KLF8: variants seen among roughly 807,000 people sequenced by gnomAD.
KLF8 encodes Krueppel-like factor 8.
A neutral mutation model predicts 18.2 loss-of-function variants in KLF8; 10 were observed. The observed-to-expected ratio is 0.55, with a 90% CI of 0.34 to 0.93. The LOEUF is 0.93. KLF8 is among the 40% of genes least tolerant of loss of function. The pLI is 0.02. For missense variants in KLF8, 264 were observed against 277.9 expected (o/e 0.95, Z 0.36); for synonymous variants, 109 against 97.3 (o/e 1.12, Z -0.71).
At chrX:56,019,639 G>C in the KLF8 span, among the ~76,000 whole-genome samples, 1 of 111,575 alleles carries the variant, frequency 9.0e-6, no homozygotes, top group Non-Finnish European at 1.9e-5. Context: ...TAGTGATGAG[G>C]GTTATGTGGT....
At chrX:56,187,832 G>A in the KLF8 span, among the ~76,000 whole-genome samples, 1 of 111,918 alleles carries the variant, frequency 8.9e-6, no homozygotes, top group Non-Finnish European at 1.9e-5. Context: ...AATGCTTCAT[G>A]CTAAAAACTC....
chrX:56,186,486 G>T, the KLF8 span, among the ~76,000 whole-genome samples: 1 of 111,047 alleles, frequency 9.0e-6, no homozygotes, highest in Non-Finnish European at 1.9e-5. Context: ...AAGTTAACAA[G>T]TATACCCAGG....
chrX:56,047,911 A>C, the KLF8 span, among the ~76,000 whole-genome samples: 9 of 111,701 alleles, frequency 8.1e-5, no homozygotes, highest in African/African-American at 2.9e-4. Context: ...GTTTCTCCAC[A>C]TCCTCTCCAG....
At chrX:55,968,196 A>T in the KLF8 span, among the ~76,000 whole-genome samples, 4 of 111,212 alleles carry the variant, frequency 3.6e-5, no homozygotes, top group African/African-American at 1.3e-4. Context: ...GGAATTGAAG[A>T]TCACAAAACA....
chrX:56,047,323 T>G, the KLF8 span, among the ~76,000 whole-genome samples: 2 of 109,771 alleles, frequency 1.8e-5, no homozygotes, highest in South Asian at 7.9e-4. Flanking sequence ...TGTGCAGGTT[T>G]GTTACATATG....
the KLF8 span, among the ~76,000 whole-genome samples, chrX:56,020,294 G>A: frequency 1.8e-5 from 2 of 111,778 alleles, no homozygotes; most frequent in Non-Finnish European, 1.9e-5. Flanking sequence ...TATAAGGCAT[G>A]CTAAAGATTT....
At chrX:55,949,532 G>A in the KLF8 span, among the ~76,000 whole-genome samples, 3 of 111,042 alleles carry the variant, frequency 2.7e-5, no homozygotes, top group Non-Finnish European at 5.7e-5. Flanking sequence ...GGTGGCTCAC[G>A]CCTGTAATCC....
At chrX:55,999,457 C>G in the KLF8 span, among the ~76,000 whole-genome samples, 1 of 108,064 alleles carries the variant, frequency 9.3e-6, no homozygotes, top group South Asian at 4.0e-4. Context: ...ACTGATTCTT[C>G]CAATCTATGA....
At chrX:56,074,706 TG>T in the KLF8 span, 1 of 165,885 alleles carries the variant, frequency 6.0e-6, no homozygotes. Context: ...TAGTAAGTTT[TG>T]AAATTGGGAA....
At chrX:56,185,696 C>T in the KLF8 span, among the ~76,000 whole-genome samples, 2 of 112,035 alleles carry the variant, frequency 1.8e-5, no homozygotes, top group African/African-American at 6.5e-5. Flanking sequence ...CTCTACAAGC[C>T]AGAAGAGAGT....
At chrX:56,015,688 T>A in the KLF8 span, among the ~76,000 whole-genome samples, 1 of 111,819 alleles carries the variant, frequency 8.9e-6, no homozygotes. Context: ...CCATACAGAC[T>A]GCAGTGGAGG....
chrX:56,160,349 G>C, the KLF8 span, among the ~76,000 whole-genome samples: 2 of 111,742 alleles, frequency 1.8e-5, no homozygotes, highest in Admixed American at 9.6e-5. Flanking sequence ...GTGGTGCTGA[G>C]AAGAATGTAT....
At chrX:56,183,061 C>A in the KLF8 span, among the ~76,000 whole-genome samples, 2 of 112,536 alleles carry the variant, frequency 1.8e-5, no homozygotes, top group Admixed American at 1.9e-4. Flanking sequence ...ATGCCCTGCC[C>A]CCAGAGCGGG....
chrX:56,161,022 T>C, the KLF8 span, among the ~76,000 whole-genome samples: 3 of 111,661 alleles, frequency 2.7e-5, no homozygotes, highest in Non-Finnish European at 5.6e-5. Context: ...TTGCAGTGGC[T>C]GGTACCGGTT....
At chrX:56,204,246 C>T in the KLF8 span, among the ~76,000 whole-genome samples, 2 of 111,694 alleles carry the variant, frequency 1.8e-5, no homozygotes, top group Non-Finnish European at 3.8e-5. Flanking sequence ...TATAGAAATG[C>T]TACTGATTTT....
the KLF8 span, among the ~76,000 whole-genome samples, chrX:55,955,572 G>A: frequency 1.8e-5 from 2 of 111,405 alleles, no homozygotes; most frequent in Non-Finnish European, 3.8e-5. Context: ...GGTATAAATT[G>A]AGCAAACAAA....
the KLF8 span, among the ~76,000 whole-genome samples, chrX:55,978,695 G>A: frequency 9.0e-6 from 1 of 111,334 alleles, no homozygotes; most frequent in South Asian, 3.7e-4. Context: ...GAAACAACCT[G>A]AGTTTTTATT....
chrX:56,191,247 G>A, the KLF8 span, among the ~76,000 whole-genome samples: 3 of 111,664 alleles, frequency 2.7e-5, no homozygotes, highest in Admixed American at 9.5e-5. Flanking sequence ...CAGCCTACTA[G>A]CAATGAACCA....
the KLF8 span, among the ~76,000 whole-genome samples, chrX:56,049,967 G>T: frequency 3.6e-5 from 4 of 110,901 alleles, no homozygotes; most frequent in East Asian, 1.1e-3. Context: ...TCTATTCAGA[G>T]ATTCAACTTC....
Sources: allele counts gnomAD v4.1 joint callset (sites outside exome capture counted in the v4.1 genomes callset), GRCh38; gene constraint gnomAD v4.1.1; transcripts MANE v1.5; gene names NCBI Gene and HGNC (gene_info 2026-07-23, HGNC 2026-07-21).